Variants in PLCB2 observed in about 807,000 individuals in gnomAD.
The protein encoded by PLCB2 is phospholipase C beta 2, also known as 1-phosphatidylinositol 4,5-bisphosphate phosphodiesterase beta-2.
PLCB2 carries 115 observed loss-of-function variants against 141.7 expected under a neutral mutation model. The observed-to-expected ratio is 0.81, with a 90% CI of 0.70 to 0.95. PLCB2 has a LOEUF of 0.95. Ranked by LOEUF, PLCB2 falls within the 40% of genes least tolerant of loss-of-function variation. The pLI is 0.00. For missense variants in PLCB2, 1,403 were observed against 1,541.1 expected (o/e 0.91, Z 1.50); for synonymous variants, 603 against 595.6 (o/e 1.01, Z -0.18).
At chr15:40,284,960 T>A (rs1399163088), downstream of PLCB2, among the ~76,000 whole-genome samples, 1 of 151,126 alleles carries the variant, frequency 6.6e-6, no homozygotes, top group Non-Finnish European at 1.5e-5. Context: ...GGTCCCTTCC[T>A]ATCAGAGACA....
downstream of PLCB2, among the ~76,000 whole-genome samples, chr15:40,286,522 T>C (rs2039613731): frequency 1.3e-5 from 2 of 151,904 alleles, no homozygotes; most frequent in Admixed American, 6.5e-5. Flanking sequence ...CGAGTCTGAG[T>C]CAGCAATGGA....
rs1199240927 is a variant in PLCB2 at position 40,294,961 on chromosome 15, C to A, written c.1881G>T (p.Met627Ile). The A allele has an allele frequency of 6.2e-7, 1 of 1,614,134 alleles. No homozygotes were observed. Among genetic ancestry groups the A allele is most frequent in the South Asian group, 1.1e-5 (1 of 91,086 alleles). ...PQMFWNAGCQ[M>I]VALNFQTMDL... is the part of the protein sequence containing the mutation. Reference sequence around the variant, plus strand: ...CCATCGTCTGGAAGTTGAGGGCAACCATCTGGCATCCAGCATTCCAGAACA... The same window carrying A: ...CCATCGTCTGGAAGTTGAGGGCAACAATCTGGCATCCAGCATTCCAGAACA... Residue 627 changes from methionine (M) to isoleucine (I), a missense_variant, in exon 18 of 32, where the codon ATG (methionine) becomes ATT (isoleucine). Transcript: ENST00000260402.
chr15:40,293,580 C>T lies in PLCB2; in HGVS notation c.2206G>A (p.Glu736Lys), dbSNP rs1346771079. Residue 736 changes from glutamate (E) to lysine (K), a missense_variant, in exon 20 of 32, where the codon GAG becomes AAG. By Grantham distance (56) the Glu-to-Lys change is moderately conservative. Coordinates refer to ENST00000260402, the MANE Select transcript of PLCB2 (RefSeq NM_004573.3). ...TNSINPVWKE[E>K]PFVFEKILMP... Reference sequence around the variant, plus strand: ...CCCACCTTCTCAAAGACAAAGGGCTCCTCCTTCCAGACAGGATTGATGGAG... The same window carrying T: ...CCCACCTTCTCAAAGACAAAGGGCTTCTCCTTCCAGACAGGATTGATGGAG... 3.1e-6 allele frequency: 5 copies of T among 1,613,728 alleles called. No homozygotes were observed. Among genetic ancestry groups the T allele is most frequent in the Non-Finnish European group, 4.2e-6 (5 of 1,179,786 alleles).
rs773846625 is a variant in PLCB2, at chr15:40,292,073, AC to A, written c.2516del (p.Gly839ValfsTer40). ...KSVKLKEAMG[G>X]LPEKPFPLAS... is the part of the protein sequence containing the mutation. ...TGCAGGCAACACAGACCTCAGGCAGACCTCCCATGGCCTCCTTGAGCTTCAC... is the reference window on the plus strand; with the variant it reads ...TGCAGGCAACACAGACCTCAGGCAGACTCCCATGGCCTCCTTGAGCTTCAC... On this transcript the variant is annotated frameshift_variant, in exon 23 of 32. Transcript: ENST00000260402. LOFTEE classifies it high-confidence loss of function. 7.7e-4 allele frequency: 1,240 copies of A among 1,613,848 alleles called. 9 individuals are homozygous for A. The highest frequency in any genetic ancestry group is 5.2e-4 in the South Asian group (47 of 91,054).
chr15:40,294,098 C>T (rs532837083), intron 19 of PLCB2, among the ~76,000 whole-genome samples, 168 bp downstream of exon 19: 3 of 152,310 alleles, frequency 2.0e-5, no homozygotes, highest in South Asian at 2.1e-4. Flanking sequence ...GCCTCCAGTG[C>T]TGAGGAGGAG....
At chr15:40,298,182 C>T (rs1327334612) in intron 11 of PLCB2, 41 bp downstream of exon 11, 5 of 1,526,994 alleles carry the variant, frequency 3.3e-6, no homozygotes, top group Non-Finnish European at 4.4e-6. Context: ...AGAGCCCTTC[C>T]CTACTGCCAC....
chr15:40,288,117 C>T lies in PLCB2; in HGVS notation c.*598G>A. ...GAGCCCACTGCCCCTTGTGACTCAG[C>T]CAAGCAGGGCCAAGGCAGCTTTTCC... On this transcript the variant is annotated 3_prime_UTR_variant, in exon 32 of 32. Coordinates refer to ENST00000260402, the MANE Select transcript of PLCB2 (RefSeq NM_004573.3). 5.1e-6 allele frequency: 5 copies of T among 985,512 alleles called. No individual in the cohort carries two copies. Among genetic ancestry groups the T allele is most frequent in the Non-Finnish European group, 6.0e-6 (5 of 829,974 alleles). The allele number at this position is 985,512 out of a possible 1,614,324, so 61.0% of individuals were successfully genotyped here.
rs577175439 is a variant in PLCB2 at position 40,298,355 on chromosome 15, C to T, written c.1023G>A (p.Ser341=). 2.1e-5 allele frequency: 33 copies of T among 1,594,780 alleles called. No individual in the cohort carries two copies. Among genetic ancestry groups the T allele is most frequent in the Admixed American group, 1.7e-4 (10 of 58,894 alleles). ...GCAGCACCTGGCGGTACATCTCAGC[C>T]GAGGAGAGGCCTGAGAACTGGCCGG... The part of the protein sequence containing the change: ...LTAGQFSGLS[S]AEMYRQVLLS... Residue 341 remains serine (S), a synonymous_variant, in exon 11 of 32, where the codon TCG becomes TCA. Transcript: ENST00000260402.
chr15:40,293,966 A>G (rs2141075460), intron 19 of PLCB2, among the ~76,000 whole-genome samples: 1 of 152,296 alleles, frequency 6.6e-6, no homozygotes, highest in South Asian at 2.1e-4. Flanking sequence ...CCCTAGCCAA[A>G]GAGGGAACAA....
intron 19 of PLCB2, among the ~76,000 whole-genome samples, chr15:40,293,981 T>C (rs2040065964): frequency 1.3e-5 from 2 of 152,152 alleles, no homozygotes; most frequent in African/African-American, 4.8e-5. Context: ...GAACAATGCC[T>C]TCCCCCAGGA....
intron 17 of PLCB2, 62 bp from the exon 18 acceptor site, chr15:40,295,122 C>T (rs1407893037): frequency 1.9e-6 from 3 of 1,610,974 alleles, no homozygotes; most frequent in Non-Finnish European, 2.5e-6. Context: ...AACAGCTTAC[C>T]CTGGGGGCCC....
At chr15:40,287,476 C>A (rs1009238567), downstream of PLCB2, among the ~76,000 whole-genome samples, 5 of 152,200 alleles carry the variant, frequency 3.3e-5, no homozygotes, top group African/African-American at 9.7e-5. Flanking sequence ...TGGCTGCCCA[C>A]AAGCCCCTCC....
At chr15:40,285,510 G>T, downstream of PLCB2, 1 of 983,924 alleles carries the variant, frequency 1.0e-6, no homozygotes, top group Non-Finnish European at 1.2e-6. Flanking sequence ...GTTTTCTAGA[G>T]CTGCATAGTT....
At chr15:40,285,490 G>GTT, downstream of PLCB2, 1 of 970,386 alleles carries the variant, frequency 1.0e-6, no homozygotes, top group Non-Finnish European at 1.2e-6. Flanking sequence ...TTTTTATTTT[G>GTT]TTTTGTTTTG....
At chr15:40,294,557 C>A in intron 18 of PLCB2, 137 bp from the exon 19 acceptor site, 1 of 851,962 alleles carries the variant, frequency 1.2e-6, no homozygotes. Context: ...CTTCTCCTGT[C>A]CCAGTCTGGT....
intron 22 of PLCB2, 70 bp from the exon 23 acceptor site, chr15:40,292,228 A>C: frequency 6.6e-7 from 1 of 1,520,120 alleles, no homozygotes. Context: ...CCCTGTCCTC[A>C]CCCACTCCAG....
In PLCB2 at chr15:40,292,103, C is replaced by T; in HGVS notation, c.2487G>A (p.Lys829=). ...CCATGGCCTCCTTGAGCTTCACAGA[C>T]TTCGTGTCATGGGCACTGAAGAACT... ...PIKFFSAHDT[K]SVKLKEAMGG... Residue 829 remains lysine, a synonymous_variant, in exon 23 of 32, where the codon AAG becomes AAA. Transcript: ENST00000260402. 9.9e-6 allele frequency: 16 copies of T among 1,614,232 alleles called. No homozygotes were observed. The highest frequency in any genetic ancestry group is 1.4e-5 in the Non-Finnish European group (16 of 1,180,046).
rs1405682387 is a variant in PLCB2 at position 40,303,983 on chromosome 15, A to C, written c.162+18T>G. On this transcript the variant is annotated intron_variant, in intron 2 of 31. Coordinates refer to ENST00000260402, the MANE Select transcript of PLCB2 (RefSeq NM_004573.3). ...ATAAGCAGGAGTCCAGGGCCATGGCACACAAGGGTTTTCTCACCTTACTTT... is the reference window on the plus strand; with the variant it reads ...ATAAGCAGGAGTCCAGGGCCATGGCCCACAAGGGTTTTCTCACCTTACTTT... The C allele has an allele frequency of 6.5e-7, 1 of 1,536,364 alleles. No individual in the cohort carries two copies. Among genetic ancestry groups the C allele is most frequent in the Non-Finnish European group, 8.9e-7 (1 of 1,126,122 alleles).
At chr15:40,293,454 AGAG>A (rs1025344925) in intron 20 of PLCB2, 103 bp downstream of exon 20, 123 of 1,105,714 alleles carry the variant, frequency 1.1e-4, no homozygotes, top group Non-Finnish European at 1.4e-4. Context: ...AGGGATGGGA[AGAG>A]GAGGAGGAGG....
Sources: gnomAD v4.1 joint callset for allele counts (sites outside exome capture counted in the v4.1 genomes callset) on GRCh38, gnomAD v4.1.1 for gene constraint, MANE v1.5 for transcripts, NCBI Gene and HGNC (gene_info 2026-07-23, HGNC 2026-07-21) for gene names.